GDF5: variants seen among roughly 807,000 people sequenced by gnomAD.
GDF5 encodes the protein growth/differentiation factor 5.
A neutral mutation model predicts 34.6 loss-of-function variants in GDF5; 17 were observed. The ratio of observed to expected loss-of-function variants is 0.49; its 90% CI spans 0.34 to 0.74. The LOEUF (loss-of-function observed/expected upper bound fraction) is 0.74. GDF5 is among the 30% of genes least tolerant of loss of function. The probability of loss-of-function intolerance (pLI) is 0.01; values close to 1 mark genes in which losing one functional copy is unlikely to be tolerated. For missense variants in GDF5, 616 were observed against 661.2 expected (o/e 0.93, Z 0.75); for synonymous variants, 332 against 290.7 (o/e 1.14, Z -1.44).
At chr20:35,451,092 T>TATATATATACAC (rs1555824851) in intron 1 of GDF5, among the ~76,000 whole-genome samples, 1 of 133,520 alleles carries the variant, frequency 7.5e-6, no homozygotes, top group South Asian at 2.3e-4. Context: ...TATATATATA[T>TATATATATACAC]ACACAAATAT....
At chr20:35,450,328 A>G (rs2146591556) in intron 1 of GDF5, among the ~76,000 whole-genome samples, 1 of 151,802 alleles carries the variant, frequency 6.6e-6, no homozygotes, top group African/African-American at 2.4e-5. Context: ...GAATGGACTC[A>G]GAGGAACAGC....
intron 1 of GDF5, chr20:35,434,986 G>C: frequency 1.5e-6 from 1 of 669,660 alleles, no homozygotes; most frequent in Non-Finnish European, 2.8e-6. Flanking sequence ...CCAAGTAGGG[G>C]TGTTCACCTG....
chr20:35,437,537 C>A lies in GDF5; in HGVS notation c.392G>T (p.Gly131Val). Residue 131 changes from glycine to valine, a missense_variant, in exon 1 of 2, where the codon GGC becomes GTC. Coordinates refer to ENST00000374369, the MANE Select transcript of GDF5 (RefSeq NM_000557.5). ...AGATCCTGCTTTTGGGGGTGCCTTG[C>A]CTCCGGGAAGCTGTCCTTTTGGGGT... ...TVTPKGQLPG[G>V]KAPPKAGSVP... The A allele has an allele frequency of 6.2e-7, 1 of 1,614,126 alleles. No individual in the cohort carries two copies. Among genetic ancestry groups the A allele is most frequent in the Non-Finnish European group, 8.5e-7 (1 of 1,179,996 alleles).
Position 35,437,791 on chromosome 20 carries a change from C to T in GDF5, c.138G>A (p.Glu46=). The change falls in exon 1 of 2, where the codon GAG becomes GAA. Residue 46 remains glutamate (E), a synonymous_variant. Transcript: ENST00000374369. ...GGGCCAGGGGGGGCCTCTCCTTGGCCTCTGCTTTGGCCAATCCTGGCCTGG... is the reference window on the plus strand; with the variant it reads ...GGGCCAGGGGGGGCCTCTCCTTGGCTTCTGCTTTGGCCAATCCTGGCCTGG... ...QGTRPGLAKA[E]AKERPPLARN... is the part of the protein sequence containing the mutation. The T allele has an allele frequency of 1.2e-6, 2 of 1,613,382 alleles. No homozygotes were observed. The highest frequency in any genetic ancestry group is 1.7e-6 in the Non-Finnish European group (2 of 1,179,672).
At chr20:35,436,866 C>A (rs1228399168) in intron 1 of GDF5, among the ~76,000 whole-genome samples, 2 of 152,190 alleles carry the variant, frequency 1.3e-5, no homozygotes, top group African/African-American at 4.8e-5. Flanking sequence ...TGCCTGAGGG[C>A]AAAGTTGCAG....
rs769779047 is a variant in GDF5, at chr20:35,434,801, A to C, written c.632-18T>G. The C allele has an allele frequency of 1.2e-6, 2 of 1,612,852 alleles. No homozygotes were observed. The highest frequency in any genetic ancestry group is 4.5e-5 in the East Asian group (2 of 44,866). On this transcript the variant is annotated intron_variant, in intron 1 of 1. Coordinates refer to ENST00000374369, the MANE Select transcript of GDF5 (RefSeq NM_000557.5). ...TCGGTCATCTAGAGAGAACACCCAG[A>C]AGTCATTCCCTGCAACCTCACCAAG...
upstream of GDF5, among the ~76,000 whole-genome samples, chr20:35,439,544 T>G (rs978124074): frequency 6.6e-6 from 1 of 152,120 alleles, no homozygotes; most frequent in African/African-American, 2.4e-5. Flanking sequence ...CCACATGATG[T>G]TTTTCTGGTA....
At chr20:35,447,280 G>A (rs1037948680) in intron 1 of GDF5, among the ~76,000 whole-genome samples, 1 of 151,246 alleles carries the variant, frequency 6.6e-6, no homozygotes, top group South Asian at 2.1e-4. Flanking sequence ...TTCAATTCCC[G>A]CGTGTTCTCA....
At chr20:35,444,471 G>A (rs998473615) in intron 1 of GDF5, among the ~76,000 whole-genome samples, 1 of 152,192 alleles carries the variant, frequency 6.6e-6, no homozygotes, top group African/African-American at 2.4e-5. Context: ...AGGTAAGGAG[G>A]AGCTGGTGTG....
intron 1 of GDF5, among the ~76,000 whole-genome samples, chr20:35,444,895 A>G (rs1405647724): frequency 6.6e-6 from 1 of 151,746 alleles, no homozygotes; most frequent in Non-Finnish European, 1.5e-5. Flanking sequence ...ACCCCGTCTA[A>G]TTTTTGTATT....
At chr20:35,448,413 A>AATAT (rs1213425473) in intron 1 of GDF5, among the ~76,000 whole-genome samples, 18 of 96,452 alleles carry the variant, frequency 1.9e-4, no homozygotes, top group African/African-American at 4.0e-4. Flanking sequence ...AAAAAAAAAA[A>AATAT]ATATATATAT....
At chr20:35,439,712 C>T (rs1025193408), upstream of GDF5, among the ~76,000 whole-genome samples, 3 of 152,036 alleles carry the variant, frequency 2.0e-5, no homozygotes, top group Non-Finnish European at 4.4e-5. Context: ...CCTGAAATAT[C>T]CTCCTCTCTC....
upstream of GDF5, among the ~76,000 whole-genome samples, chr20:35,440,026 C>T (rs992524053): frequency 1.4e-5 from 2 of 143,416 alleles, no homozygotes; most frequent in African/African-American, 5.1e-5. Context: ...AAACGATTCT[C>T]CTGCCTCAGC....
chr20:35,443,810 C>T (rs554061897), intron 1 of GDF5, among the ~76,000 whole-genome samples: 1 of 152,250 alleles, frequency 6.6e-6, no homozygotes, highest in Admixed American at 6.5e-5. Flanking sequence ...CTGCGCCGGC[C>T]GGCCAGATTA....
intron 1 of GDF5, among the ~76,000 whole-genome samples, chr20:35,452,638 T>C (rs924337275): frequency 4.6e-5 from 7 of 152,108 alleles, no homozygotes; most frequent in African/African-American, 1.7e-4. Flanking sequence ...GTCAGGATGG[T>C]ATTGAACTCC....
At chr20:35,435,116 C>G (rs372912399) in intron 1 of GDF5, 6 of 593,646 alleles carry the variant, frequency 1.0e-5, no homozygotes, top group Non-Finnish European at 1.8e-5. Flanking sequence ...CATGAGCTAA[C>G]GTGATGTCTC....
At chr20:35,450,874 G>A (rs2062528812) in intron 1 of GDF5, among the ~76,000 whole-genome samples, 1 of 151,568 alleles carries the variant, frequency 6.6e-6, no homozygotes, top group East Asian at 1.9e-4. Context: ...CCCTCTCCTA[G>A]TCACTTGGTT....
chr20:35,452,579 C>T (rs1012511506), intron 1 of GDF5, among the ~76,000 whole-genome samples: 4 of 152,200 alleles, frequency 2.6e-5, no homozygotes, highest in African/African-American at 9.6e-5. Flanking sequence ...TGCGCCACCA[C>T]GCCTAGCTAA....
At position 35,437,932 on chromosome 20, in the gene GDF5, C is replaced by T; in HGVS notation, c.-4G>A. The T allele has an allele frequency of 6.2e-7, 1 of 1,613,988 alleles. No individual in the cohort carries two copies. The highest frequency in any genetic ancestry group is 1.1e-5 in the South Asian group (1 of 91,046). On this transcript the variant is annotated 5_prime_UTR_variant, in exon 1 of 2. Transcript: ENST00000374369. ...TGAGGAGTTTGGGGAGTCTCATCCT[C>T]TGGCCAGCCGCTGAATGACACCAAA...
Sources: gnomAD v4.1 joint callset for allele counts (sites outside exome capture counted in the v4.1 genomes callset) on GRCh38, gnomAD v4.1.1 for gene constraint, MANE v1.5 for transcripts, NCBI Gene and HGNC (gene_info 2026-07-23, HGNC 2026-07-21) for gene names.